The following CHPT1 variants were observed in gnomAD, a reference collection of about 807,000 sequenced individuals.
CHPT1 encodes the protein cholinephosphotransferase 1.
A neutral mutation model predicts 47.6 loss-of-function variants in CHPT1; 36 were observed. That is an observed-to-expected ratio of 0.76 (90% CI 0.58 to 1.00). CHPT1 has a LOEUF of 1.00. CHPT1 is among the 50% of genes least tolerant of loss of function. The probability of loss-of-function intolerance (pLI) is 0.00; values close to 1 mark genes in which losing one functional copy is unlikely to be tolerated. For synonymous variants in CHPT1, 194 were observed against 186.3 expected, an observed-to-expected ratio of 1.04 and a Z score of -0.33; for missense variants, 458 against 498.1, an observed-to-expected ratio of 0.92 and a Z score of 0.77.
In CHPT1 at chr12:101,708,679, C is replaced by T. The variant is rs1192088665; in HGVS notation, c.274-5411C>T. ...CTGGAGTGCAGTGGCTCACTTCAACCTCTGCCTCCTGGGTTCAAGCAATTC... is the reference window on the plus strand; with the variant it reads ...CTGGAGTGCAGTGGCTCACTTCAACTTCTGCCTCCTGGGTTCAAGCAATTC... On this transcript the variant is annotated intron_variant, in intron 1 of 8. Transcript: ENST00000229266. 4.7e-5 allele frequency among the ~76,000 whole-genome samples: 7 copies of T among 149,918 alleles called. 2 individuals are homozygous for T. The highest frequency in any genetic ancestry group is 2.0e-4 in the East Asian group (1 of 5,086).
chr12:101,702,582 T>TA (rs1951569085), intron 1 of CHPT1, among the ~76,000 whole-genome samples: 1 of 152,208 alleles, frequency 6.6e-6, no homozygotes, highest in Admixed American at 6.5e-5. Flanking sequence ...TTACATATTA[T>TA]AGAGTTATTT....
At chr12:101,707,879 C>G (rs906220109) in intron 1 of CHPT1, among the ~76,000 whole-genome samples, 1 of 152,124 alleles carries the variant, frequency 6.6e-6, no homozygotes, top group Non-Finnish European at 1.5e-5. Context: ...TGCGTAGTTC[C>G]GTCTCTTAAT....
intron 1 of CHPT1, among the ~76,000 whole-genome samples, chr12:101,706,927 T>C (rs1171799792): frequency 2.6e-5 from 4 of 152,276 alleles, no homozygotes; most frequent in African/African-American, 9.6e-5. Context: ...TGCATTGTTA[T>C]AAAGTCATGA....
chr12:101,717,341 C>T (rs1951778955), intron 4 of CHPT1: 1 of 451,018 alleles, frequency 2.2e-6, no homozygotes, highest in Non-Finnish European at 4.5e-6. Flanking sequence ...TAAATTCAAG[C>T]TTTTTTGCAA....
At chr12:101,718,380 T>C (rs911984195) in intron 4 of CHPT1, among the ~76,000 whole-genome samples, 4 of 152,164 alleles carry the variant, frequency 2.6e-5, no homozygotes, top group Non-Finnish European at 5.9e-5. Flanking sequence ...ACTTTTCCAC[T>C]CAAATTTTGT....
At chr12:101,720,544 C>T (rs967344002) in intron 5 of CHPT1, among the ~76,000 whole-genome samples, 2 of 152,024 alleles carry the variant, frequency 1.3e-5, no homozygotes, top group African/African-American at 4.8e-5. Context: ...GAACTAATAG[C>T]AGAGAGGAGA....
At chr12:101,726,740 AC>A in intron 8 of CHPT1, 1 of 342,934 alleles carries the variant, frequency 2.9e-6, no homozygotes, top group Non-Finnish European at 5.3e-6. Context: ...CAGGGTTTTC[AC>A]TGCCAAAGGA....
chr12:101,716,625 C>A, intron 3 of CHPT1, 103 bp from the exon 4 acceptor site: 1 of 638,626 alleles, frequency 1.6e-6, no homozygotes, highest in South Asian at 2.4e-5. Context: ...TAAACTAAGC[C>A]TACAGAGATT....
chr12:101,704,559 G>A (rs1228543725), intron 1 of CHPT1, among the ~76,000 whole-genome samples: 2 of 150,684 alleles, frequency 1.3e-5, no homozygotes, highest in East Asian at 3.9e-4. Flanking sequence ...GCACCACCAT[G>A]CCTGGCTAAT....
chr12:101,723,353 T>C (rs749840128), intron 6 of CHPT1, 27 bp downstream of exon 6: 2 of 1,313,252 alleles, frequency 1.5e-6, no homozygotes, highest in Admixed American at 4.0e-5. Flanking sequence ...ATTCATGATA[T>C]AAATAATATA....
intron 1 of CHPT1, among the ~76,000 whole-genome samples, chr12:101,705,041 C>T (rs1260740166): frequency 1.6e-4 from 15 of 94,524 alleles, no homozygotes; most frequent in Non-Finnish European, 2.9e-4. Context: ...TGCCCCTAAC[C>T]ACTCTGCAAG....
intron 1 of CHPT1, among the ~76,000 whole-genome samples, chr12:101,707,192 G>A (rs1951645668): frequency 6.6e-6 from 1 of 152,182 alleles, no homozygotes; most frequent in Non-Finnish European, 1.5e-5. Context: ...TTGAAGGAGG[G>A]GGCATATGAG....
At chr12:101,713,285 T>A (rs1951719273) in intron 1 of CHPT1, among the ~76,000 whole-genome samples, 2 of 123,626 alleles carry the variant, frequency 1.6e-5, no homozygotes, top group Non-Finnish European at 1.9e-5. Flanking sequence ...TCCCTGGCCT[T>A]TGTTAGTTTC....
intron 1 of CHPT1, among the ~76,000 whole-genome samples, chr12:101,700,468 G>C (rs563741742): frequency 6.6e-6 from 1 of 152,198 alleles, no homozygotes; most frequent in Non-Finnish European, 1.5e-5. Flanking sequence ...ATGCTTCTGA[G>C]TGACTGATGC....
intron 1 of CHPT1, among the ~76,000 whole-genome samples, chr12:101,708,040 CTTGCTGT>C (rs1377323591): frequency 6.6e-6 from 1 of 152,122 alleles, no homozygotes; most frequent in Non-Finnish European, 1.5e-5. Context: ...GACTATCAGA[CTTGCTGT>C]TTGCTTTTTT....
intron 1 of CHPT1, among the ~76,000 whole-genome samples, chr12:101,700,795 A>G (rs1315943427): frequency 1.3e-5 from 2 of 152,188 alleles, no homozygotes; most frequent in Non-Finnish European, 2.9e-5. Flanking sequence ...CTATCCATCT[A>G]TCCTGAAGTA....
At chr12:101,702,282 T>C (rs971965797) in intron 1 of CHPT1, among the ~76,000 whole-genome samples, 3 of 152,230 alleles carry the variant, frequency 2.0e-5, no homozygotes, top group Admixed American at 1.3e-4. Context: ...GTTTCTGCCC[T>C]GTCTTCGTGA....
In CHPT1 at chr12:101,713,626, G is replaced by GT. The variant is rs146234136; in HGVS notation, c.274-458dup. 7.9e-5 allele frequency among the ~76,000 whole-genome samples: 12 copies of GT among 151,946 alleles called. No individual in the cohort carries two copies. In the East Asian group the frequency reaches 2.3e-3, roughly 29 times the overall value. On this transcript the variant is annotated intron_variant, in intron 1 of 8. Transcript: ENST00000229266. ...CTGTAATGTTTGAAAACTGTTTTTT[G>GT]TTTTTTGTTTTTTTAAAAATATATT...
intron 1 of CHPT1, among the ~76,000 whole-genome samples, chr12:101,712,671 T>C (rs1228881620): frequency 6.7e-6 from 1 of 148,784 alleles, no homozygotes; most frequent in Non-Finnish European, 1.5e-5. Context: ...GTGTTTAATA[T>C]GCTGTTAATC....
Sources: gnomAD v4.1 joint callset for allele counts (sites outside exome capture counted in the v4.1 genomes callset) on GRCh38, gnomAD v4.1.1 for gene constraint, MANE v1.5 for transcripts, NCBI Gene and HGNC (gene_info 2026-07-23, HGNC 2026-07-21) for gene names.